Variants in CADM2 observed in about 807,000 individuals in gnomAD.
CADM2 encodes the protein immunoglobulin superfamily member 4D.
A neutral mutation model predicts 49.8 loss-of-function variants in CADM2; 12 were observed. That is an observed-to-expected ratio of 0.24 (90% CI 0.15 to 0.39). The LOEUF (loss-of-function observed/expected upper bound fraction) is 0.39. CADM2 is among the 10% of genes least tolerant of loss of function. The probability of loss-of-function intolerance (pLI) is 1.00; values close to 1 mark genes in which losing one functional copy is unlikely to be tolerated. For missense variants in CADM2, 378 were observed against 492.3 expected, an observed-to-expected ratio of 0.77 and a Z score of 2.20; for synonymous variants, 214 against 175.4, an observed-to-expected ratio of 1.22 and a Z score of -1.74.
chr3:85,533,354 G>C (rs2061360582), intron 1 of CADM2, among the ~76,000 whole-genome samples: 1 of 152,122 alleles, frequency 6.6e-6, no homozygotes, highest in African/African-American at 2.4e-5. Context: ...GGTGATATTG[G>C]TAACTGATTT....
intron 1 of CADM2, among the ~76,000 whole-genome samples, chr3:85,461,446 A>G (rs1478519731): frequency 1.3e-5 from 2 of 152,222 alleles, no homozygotes; most frequent in South Asian, 2.1e-4. Flanking sequence ...ACTTTTTAGT[A>G]AAATCATTAT....
chr3:85,772,883 G>GTT (rs11326310), intron 2 of CADM2, among the ~76,000 whole-genome samples: 1 of 140,582 alleles, frequency 7.1e-6, no homozygotes, highest in Non-Finnish European at 1.5e-5. Context: ...TTCATTTCCA[G>GTT]TTTTTTTTTT....
intron 1 of CADM2, among the ~76,000 whole-genome samples, chr3:84,990,302 A>AT (rs1330948658): frequency 1.3e-5 from 2 of 151,518 alleles, no homozygotes; most frequent in Non-Finnish European, 3.0e-5. Flanking sequence ...TGATTTATAT[A>AT]TTTTTTTAAT....
intron 8 of CADM2, among the ~76,000 whole-genome samples, chr3:85,986,030 A>T (rs926891133): frequency 6.6e-6 from 1 of 152,046 alleles, no homozygotes; most frequent in African/African-American, 2.4e-5. Flanking sequence ...CAAACACCAC[A>T]TGACATATGT....
intron 3 of CADM2, among the ~76,000 whole-genome samples, chr3:85,804,078 G>A (rs2072245550): frequency 1.3e-5 from 2 of 152,036 alleles, no homozygotes; most frequent in Non-Finnish European, 2.9e-5. Flanking sequence ...CACTCATAGA[G>A]ATTAAACAAT....
intron 8 of CADM2, among the ~76,000 whole-genome samples, chr3:86,004,243 A>G (rs1730515505): frequency 6.6e-6 from 1 of 152,190 alleles, no homozygotes; most frequent in Non-Finnish European, 1.5e-5. Context: ...TAAGAGTTAC[A>G]CATTGTTATC....
At chr3:85,096,789 T>G (rs545076876) in intron 1 of CADM2, among the ~76,000 whole-genome samples, 2 of 152,160 alleles carry the variant, frequency 1.3e-5, no homozygotes, top group African/African-American at 2.4e-5. Context: ...ATATATAAAG[T>G]ATACTAATCC....
chr3:85,633,987 G>C (rs114794294), intron 1 of CADM2, among the ~76,000 whole-genome samples: 1 of 151,928 alleles, frequency 6.6e-6, no homozygotes, highest in South Asian at 2.1e-4. Flanking sequence ...CTGTGGAAGC[G>C]TATGATCGGA....
At chr3:85,015,718 G>C (rs1355814834) in intron 1 of CADM2, among the ~76,000 whole-genome samples, 1 of 152,144 alleles carries the variant, frequency 6.6e-6, no homozygotes, top group East Asian at 1.9e-4. Flanking sequence ...TCAAGGAAGA[G>C]GGTCATCAAA....
intron 2 of CADM2, among the ~76,000 whole-genome samples, chr3:85,764,387 C>A (rs906835537): frequency 6.6e-6 from 1 of 151,900 alleles, no homozygotes; most frequent in African/African-American, 2.4e-5. Context: ...AAGATGAAAT[C>A]TTTTTAAATA....
At chr3:85,867,167 G>A (rs897547686) in intron 3 of CADM2, among the ~76,000 whole-genome samples, 18 of 151,978 alleles carry the variant, frequency 1.2e-4, no homozygotes, top group East Asian at 1.9e-4. Flanking sequence ...TGTGTAAAAC[G>A]TAACAACTGT....
chr3:85,101,432 T>G (rs368183393), intron 1 of CADM2, among the ~76,000 whole-genome samples: 1 of 152,158 alleles, frequency 6.6e-6, no homozygotes, highest in African/African-American at 2.4e-5. Context: ...CAAAAAAAGA[T>G]GAAAAGTAGA....
chr3:85,676,688 T>TA (rs917887761), intron 1 of CADM2, among the ~76,000 whole-genome samples: 8 of 152,228 alleles, frequency 5.3e-5, no homozygotes, highest in African/African-American at 1.2e-4. Flanking sequence ...GCCTATTCAT[T>TA]AAAAAAACAT....
At chr3:85,487,475 A>G (rs2039466904) in intron 1 of CADM2, among the ~76,000 whole-genome samples, 1 of 152,062 alleles carries the variant, frequency 6.6e-6, no homozygotes, top group South Asian at 2.1e-4. Flanking sequence ...CTGAAGAAGA[A>G]GAAAGGAAAA....
chr3:85,729,307 T>C (rs1192885601), intron 2 of CADM2, among the ~76,000 whole-genome samples: 1 of 152,178 alleles, frequency 6.6e-6, no homozygotes. Flanking sequence ...TATTGTAGTG[T>C]AGGTTCAGCT....
intron 1 of CADM2, among the ~76,000 whole-genome samples, chr3:85,204,375 A>T (rs1036339554): frequency 1.3e-5 from 2 of 152,098 alleles, no homozygotes; most frequent in Non-Finnish European, 2.9e-5. Flanking sequence ...TACCCTTCAG[A>T]GTTTACACTC....
intron 1 of CADM2, among the ~76,000 whole-genome samples, chr3:85,071,135 G>T (rs1439917118): frequency 2.0e-5 from 3 of 151,770 alleles, no homozygotes; most frequent in African/African-American, 7.3e-5. Flanking sequence ...CTTCGTAAAA[G>T]CTTTTACTTA....
At chr3:85,918,030 G>T (rs1316176826) in intron 6 of CADM2, among the ~76,000 whole-genome samples, 2 of 152,130 alleles carry the variant, frequency 1.3e-5, no homozygotes, top group African/African-American at 4.8e-5. Context: ...CTGAGACTTT[G>T]CTGAAGTTTC....
intron 1 of CADM2, among the ~76,000 whole-genome samples, chr3:85,079,968 AC>A (rs1218339244): frequency 6.6e-6 from 1 of 151,970 alleles, no homozygotes; most frequent in African/African-American, 2.4e-5. Flanking sequence ...ACTATTGGAA[AC>A]CAAAAAATGA....
Sources: allele counts gnomAD v4.1 joint callset (sites outside exome capture counted in the v4.1 genomes callset), GRCh38; gene constraint gnomAD v4.1.1; transcripts MANE v1.5; gene names NCBI Gene and HGNC (gene_info 2026-07-23, HGNC 2026-07-21).